The following CDK15 variants were observed in gnomAD, a reference collection of about 807,000 sequenced individuals.
CDK15 encodes cyclin-dependent kinase 15.
A neutral mutation model predicts 60.3 loss-of-function variants in CDK15; 62 were observed. That is an observed-to-expected ratio of 1.03 (90% confidence interval 0.84 to 1.27). The LOEUF (loss-of-function observed/expected upper bound fraction) is 1.27. CDK15 is among the 50% of genes most tolerant of loss of function. The pLI is 0.00. For synonymous variants in CDK15, 194 were observed against 195.7 expected (o/e 0.99, Z 0.07); for missense variants, 541 against 527.8 (o/e 1.03, Z -0.25).
chr2:201,880,111 C>T lies in CDK15; in HGVS notation c.1142C>T (p.Ala381Val). The T allele has an allele frequency of 6.2e-7, 1 of 1,614,086 alleles. No individual in the cohort carries two copies. Among genetic ancestry groups the T allele is most frequent in the Non-Finnish European group, 8.5e-7 (1 of 1,180,026 alleles). ...FPRDRVSAQEALVHDYFSALP... is the reference protein window; with the variant it reads ...FPRDRVSAQEVLVHDYFSALP... ...AGAGACCGCGTCTCCGCCCAGGAAG[C>T]ACTTGTTCATGATTATTTCAGCGCC... The change falls in exon 12 of 14, where the codon GCA (alanine) becomes GTA (valine). Residue 381 changes from alanine to valine, a missense_variant. Ala to Val is a moderately conservative substitution (Grantham distance 64, BLOSUM62 0). Transcript: ENST00000652192.
intron 9 of CDK15, chr2:201,854,672 G>A (rs1176401546): frequency 8.7e-6 from 5 of 575,912 alleles, no homozygotes; most frequent in Non-Finnish European, 1.6e-5. Context: ...CCATAGGAAT[G>A]TATTACAGTT....
intron 11 of CDK15, among the ~76,000 whole-genome samples, chr2:201,875,528 A>G (rs1231317635): frequency 6.6e-6 from 1 of 152,188 alleles, no homozygotes; most frequent in African/African-American, 2.4e-5. Context: ...CGTGATTTTA[A>G]TAGTACTACC....
intron 11 of CDK15, among the ~76,000 whole-genome samples, chr2:201,876,162 G>T (rs1238062729): frequency 6.6e-6 from 1 of 152,176 alleles, no homozygotes; most frequent in Non-Finnish European, 1.5e-5. Context: ...AGTAGGGGTT[G>T]TAACCAGTGG....
intron 4 of CDK15, among the ~76,000 whole-genome samples, chr2:201,815,806 ATCTC>A (rs1191190783): frequency 6.6e-6 from 1 of 152,138 alleles, no homozygotes; most frequent in Non-Finnish European, 1.5e-5. Flanking sequence ...ATATGACATA[ATCTC>A]CCCCTTCCCC....
upstream of CDK15, chr2:201,806,490 T>C (rs1427725413): frequency 1.5e-5 from 9 of 591,164 alleles, no homozygotes; most frequent in Non-Finnish European, 2.4e-5. Flanking sequence ...GTGGAGTTTC[T>C]TGCACTGATA....
rs187040230 is a variant in CDK15, at chr2:201,863,662, G to A, written c.1010-8616G>A. ...TGTAATCCCACCACTTTGGGAGGCC[G>A]AGGCGGGTGGTTCACTTGAGATCAG... is the stretch of plus-strand genomic sequence containing the variant. On this transcript the variant is annotated intron_variant, in intron 10 of 13. Coordinates refer to ENST00000652192, the MANE Select transcript of CDK15 (RefSeq NM_001366386.2). Among the ~76,000 whole-genome samples, 307 of 152,244 alleles carry A rather than the reference G, an allele frequency of 2.0e-3. 1 individual carries two copies. The highest frequency in any genetic ancestry group is 3.2e-3 in the Non-Finnish European group (221 of 68,020).
At chr2:201,845,031 C>A (rs1697587142) in intron 8 of CDK15, among the ~76,000 whole-genome samples, 1 of 151,990 alleles carries the variant, frequency 6.6e-6, no homozygotes, top group South Asian at 2.1e-4. Flanking sequence ...TGCCTGTAAT[C>A]CCAGTTACTC....
intron 12 of CDK15, among the ~76,000 whole-genome samples, chr2:201,883,753 C>T (rs1018794505): frequency 2.6e-5 from 4 of 152,214 alleles, no homozygotes; most frequent in Non-Finnish European, 5.9e-5. Flanking sequence ...ACTCAGACAC[C>T]GGCTTATGGC....
At chr2:201,808,079 C>T (rs1226220771) in intron 3 of CDK15, 127 bp downstream of exon 3, 5 of 654,052 alleles carry the variant, frequency 7.6e-6, no homozygotes, top group East Asian at 5.7e-5. Flanking sequence ...ACACCATGGC[C>T]GACAGGGAGA....
chr2:201,828,289 C>T (rs933668671), intron 6 of CDK15, among the ~76,000 whole-genome samples: 1 of 104,144 alleles, frequency 9.6e-6, no homozygotes, highest in Non-Finnish European at 2.2e-5. Flanking sequence ...GTCATCAGCA[C>T]ATAGAGTTTA....
intron 2 of CDK15, 100 bp from the exon 3 acceptor site, chr2:201,807,758 T>C: frequency 1.3e-6 from 2 of 1,548,524 alleles, no homozygotes; most frequent in Non-Finnish European, 1.8e-6. Flanking sequence ...GCTCTGGCAA[T>C]GCTGTCTAAT....
At chr2:201,873,801 C>G (rs908396160) in intron 11 of CDK15, among the ~76,000 whole-genome samples, 2 of 152,112 alleles carry the variant, frequency 1.3e-5, no homozygotes, top group Middle Eastern at 3.2e-3. Context: ...GCCTGTAATC[C>G]CAGCATTTTG....
At chr2:201,836,074 T>TTA (rs67988632) in intron 8 of CDK15, among the ~76,000 whole-genome samples, 317 of 6,188 alleles carry the variant, frequency 0.051, 3 homozygotes, top group South Asian at 0.093. Context: ...ATATTTATAT[T>TTA]TATATATATT....
intron 12 of CDK15, 60 bp from the exon 13 acceptor site, chr2:201,890,725 T>G (rs1371286956): frequency 1.5e-6 from 2 of 1,352,624 alleles, no homozygotes; most frequent in Admixed American, 4.1e-5. Context: ...CAGACAAAAA[T>G]ATACCACAGA....
At chr2:201,834,447 T>C (rs184575027) in intron 7 of CDK15, among the ~76,000 whole-genome samples, 1 of 152,328 alleles carries the variant, frequency 6.6e-6, no homozygotes, top group Non-Finnish European at 1.5e-5. Context: ...TTTATTCCCA[T>C]TAAAGTGAAG....
intron 3 of CDK15, 105 bp downstream of exon 3, chr2:201,808,057 G>T: frequency 2.1e-6 from 2 of 956,042 alleles, no homozygotes; most frequent in South Asian, 1.7e-5. Flanking sequence ...TAGCACTCAG[G>T]ACCTGTGCAA....
intron 8 of CDK15, among the ~76,000 whole-genome samples, chr2:201,837,744 T>C (rs1344403123): frequency 3.3e-5 from 5 of 152,148 alleles, no homozygotes; most frequent in African/African-American, 4.8e-5. Flanking sequence ...TAAGGAAATA[T>C]ATGAATCTCT....
intron 12 of CDK15, among the ~76,000 whole-genome samples, chr2:201,883,932 T>C (rs1699368810): frequency 6.6e-6 from 1 of 152,218 alleles, no homozygotes; most frequent in African/African-American, 2.4e-5. Context: ...AGGAACACTG[T>C]TTAATGATTT....
At chr2:201,822,385 G>A (rs1696267717) in intron 4 of CDK15, among the ~76,000 whole-genome samples, 1 of 152,142 alleles carries the variant, frequency 6.6e-6, no homozygotes, top group African/African-American at 2.4e-5. Context: ...TAGAATTTTG[G>A]AGACTGGTCA....
Sources: gnomAD v4.1 joint callset for allele counts (sites outside exome capture counted in the v4.1 genomes callset) on GRCh38, gnomAD v4.1.1 for gene constraint, MANE v1.5 for transcripts, NCBI Gene and HGNC (gene_info 2026-07-23, HGNC 2026-07-21) for gene names.